The following PARD3B variants were observed in gnomAD, a reference collection of about 807,000 sequenced individuals.
PARD3B encodes the protein par-3 family cell polarity regulator beta, also known as partitioning defective 3 homolog B.
Under a neutral mutation model 130.2 loss-of-function variants are expected in PARD3B, and 103 were observed. The observed-to-expected ratio is 0.79, with a 90% confidence interval of 0.67 to 0.93. The LOEUF (loss-of-function observed/expected upper bound fraction) is 0.93. Among genes scored for constraint, PARD3B ranks in the 40% least tolerant of loss-of-function variants. The pLI, the probability that PARD3B is intolerant of heterozygous loss-of-function variation, is 0.00. For missense variants in PARD3B, 1,609 were observed against 1,499.2 expected, an observed-to-expected ratio of 1.07 and a Z score of -1.21; for synonymous variants, 583 against 553.2, an observed-to-expected ratio of 1.05 and a Z score of -0.76.
chr2:205,402,057 C>T (rs1178637377), intron 19 of PARD3B, among the ~76,000 whole-genome samples: 2 of 152,126 alleles, frequency 1.3e-5, no homozygotes, highest in African/African-American at 4.8e-5. Context: ...TGTTTTCTAG[C>T]ACAGAGGAGT....
chr2:205,062,474 A>G (rs1233639128), intron 4 of PARD3B, among the ~76,000 whole-genome samples: 1 of 152,062 alleles, frequency 6.6e-6, no homozygotes, highest in Non-Finnish European at 1.5e-5. Context: ...AGTGATTTAT[A>G]ATTCTGTCAC....
chr2:205,317,339 T>C (rs1428783968), intron 18 of PARD3B, among the ~76,000 whole-genome samples: 1 of 152,208 alleles, frequency 6.6e-6, no homozygotes, highest in Admixed American at 6.5e-5. Flanking sequence ...TGAAACTGAT[T>C]ACAGGGTAGA....
chr2:205,247,049 C>G (rs563405612), intron 16 of PARD3B, among the ~76,000 whole-genome samples: 22 of 152,292 alleles, frequency 1.4e-4, no homozygotes, highest in African/African-American at 4.8e-4. Context: ...TAAATACATT[C>G]TACTGCTTAT....
chr2:204,778,574 A>G (rs78784901), intron 2 of PARD3B, among the ~76,000 whole-genome samples: 2,069 of 152,214 alleles, frequency 0.014, 57 homozygotes, highest in African/African-American at 0.047. Flanking sequence ...TGGATCTGAA[A>G]TTTCTAATGT....
chr2:204,946,480 T>C (rs541834840), intron 2 of PARD3B, among the ~76,000 whole-genome samples: 40 of 152,262 alleles, frequency 2.6e-4, no homozygotes, highest in Non-Finnish European at 4.3e-4. Context: ...AAATCAACTC[T>C]AGCCTGCAGA....
rs868589866 is a variant in PARD3B at position 205,026,353 on chromosome 2, G to T, written c.395-21228G>T. Reference sequence around the variant, plus strand: ...GAAGAGCCAGATGAGACAGAGTCAAGCCTGATATAGACAGTCTTTTTTCTA... The same window carrying T: ...GAAGAGCCAGATGAGACAGAGTCAATCCTGATATAGACAGTCTTTTTTCTA... On this transcript the variant is annotated intron_variant, in intron 3 of 22. Transcript: ENST00000406610. 2.6e-5 allele frequency among the ~76,000 whole-genome samples: 4 copies of T among 152,222 alleles called. No individual in the cohort carries two copies. In the Middle Eastern group the frequency reaches 0.01, roughly 391 times the overall value.
chr2:205,326,035 T>C lies in PARD3B; in HGVS notation c.2630+24334T>C, dbSNP rs141869776. 1.6e-4 allele frequency among the ~76,000 whole-genome samples: 25 copies of C among 152,288 alleles called. 1 individual carries two copies. The East Asian group carries it at 4.8e-3, about 29-fold the overall frequency. On this transcript the variant is annotated intron_variant, in intron 18 of 22. Transcript: ENST00000406610. ...AAACTGCCTAATTTGTTAATTTGCA[T>C]GTGAAGTATACTGTTACCAGGGAAG...
At chr2:204,928,405 G>C (rs1428178097) in intron 2 of PARD3B, among the ~76,000 whole-genome samples, 1 of 152,122 alleles carries the variant, frequency 6.6e-6, no homozygotes, top group African/African-American at 2.4e-5. Flanking sequence ...TGCTTTTGAT[G>C]AAAGGAGTTT....
In PARD3B at chr2:205,545,534, C is replaced by T. The variant is rs556845449; in HGVS notation, c.3181-7790C>T. On this transcript the variant is annotated intron_variant, in intron 21 of 22. Transcript: ENST00000406610. ...TTATGATGTGTCTGGCAGCATGAAA[C>T]TCATTTTTTTGTAATGGATCTAAGT... Among the ~76,000 whole-genome samples, 242 of 152,258 alleles carry T rather than the reference C, an allele frequency of 1.6e-3. 1 individual carries two copies. Among genetic ancestry groups the T allele is most frequent in the African/African-American group, 5.2e-3 (216 of 41,550 alleles).
At chr2:205,175,329 C>T (rs1451758366) in intron 12 of PARD3B, among the ~76,000 whole-genome samples, 1 of 152,152 alleles carries the variant, frequency 6.6e-6, no homozygotes, top group Admixed American at 6.5e-5. Context: ...ATACCAGGCT[C>T]AGTTTGACTA....
intron 5 of PARD3B, 65 bp from the exon 6 acceptor site, chr2:205,113,426 T>A: frequency 3.0e-6 from 3 of 1,015,224 alleles, no homozygotes; most frequent in Non-Finnish European, 4.6e-6. Flanking sequence ...GTGTGTGTAT[T>A]TTAGATGTGC....
At chr2:205,484,359 T>C (rs891229322) in intron 20 of PARD3B, among the ~76,000 whole-genome samples, 1 of 152,216 alleles carries the variant, frequency 6.6e-6, no homozygotes, top group African/African-American at 2.4e-5. Context: ...CTGTAGCCCC[T>C]CTGCTTTTCC....
intron 2 of PARD3B, among the ~76,000 whole-genome samples, chr2:204,748,197 C>A (rs1237378845): frequency 6.6e-6 from 1 of 151,982 alleles, no homozygotes; most frequent in Non-Finnish European, 1.5e-5. Context: ...AGGCAGATGC[C>A]ACATTTTTTT....
In PARD3B at chr2:205,558,277, A is replaced by T. The variant is rs2052982064; in HGVS notation, c.3260+4874A>T. Reference sequence around the variant, plus strand: ...AGGCCATACCCAGGGCGAGTTAACCAGGAAGGTGGAGCATGATGCTCTAGC... The same window carrying T: ...AGGCCATACCCAGGGCGAGTTAACCTGGAAGGTGGAGCATGATGCTCTAGC... On this transcript the variant is annotated intron_variant, in intron 22 of 22. Coordinates refer to ENST00000406610, the MANE Select transcript of PARD3B (RefSeq NM_001302769.2). The surrounding 1 kb of genome is among the most constrained non-coding windows in gnomAD (Gnocchi z 4.8). 1.3e-5 allele frequency among the ~76,000 whole-genome samples: 2 copies of T among 152,258 alleles called. No homozygotes were observed. The highest frequency in any genetic ancestry group is 6.5e-5 in the Admixed American group (1 of 15,294).
At chr2:204,663,094 T>A (rs186292417) in intron 1 of PARD3B, among the ~76,000 whole-genome samples, 37 of 152,312 alleles carry the variant, frequency 2.4e-4, no homozygotes, top group Non-Finnish European at 4.4e-5. Flanking sequence ...TTTTAGTAAT[T>A]CCTTATCCCA....
At chr2:204,599,741 T>C (rs954005315) in intron 1 of PARD3B, among the ~76,000 whole-genome samples, 1 of 152,022 alleles carries the variant, frequency 6.6e-6, no homozygotes, top group Non-Finnish European at 1.5e-5. Flanking sequence ...GTTCTATTTG[T>C]AGTTTCTAGA....
chr2:205,137,541 C>T (rs973386115), intron 10 of PARD3B, among the ~76,000 whole-genome samples: 1 of 152,138 alleles, frequency 6.6e-6, no homozygotes, highest in African/African-American at 2.4e-5. Flanking sequence ...TTTTAGTTAT[C>T]TCTTGCTATT....
intron 2 of PARD3B, among the ~76,000 whole-genome samples, chr2:204,785,913 G>C (rs954126527): frequency 1.3e-5 from 2 of 151,808 alleles, no homozygotes; most frequent in Admixed American, 6.6e-5. Flanking sequence ...GGAGTTTGAG[G>C]CCAGCCTGGC....
intron 18 of PARD3B, among the ~76,000 whole-genome samples, chr2:205,311,330 A>T (rs1207439390): frequency 6.6e-6 from 1 of 152,102 alleles, no homozygotes; most frequent in African/African-American, 2.4e-5. Flanking sequence ...GCCGACACTT[A>T]TCTTTCATGT....
Sources: allele counts gnomAD v4.1 joint callset (sites outside exome capture counted in the v4.1 genomes callset), GRCh38; gene constraint gnomAD v4.1.1; non-coding constraint Gnocchi (gnomAD v3.1); transcripts MANE v1.5; gene names NCBI Gene and HGNC (gene_info 2026-07-23, HGNC 2026-07-21).